Variants in BLTP1 observed in about 807,000 individuals in gnomAD.
The protein encoded by BLTP1 is bridge-like lipid transfer protein family member 1.
chr4:122,220,946 C>A, the BLTP1 span: 1 of 253,366 alleles, frequency 3.9e-6, no homozygotes, highest in Non-Finnish European at 6.2e-6. Context: ...TAAAAGAGAA[C>A]CAATGATATT....
At chr4:122,187,088 G>T in the BLTP1 span, 1 of 983,826 alleles carries the variant, frequency 1.0e-6, no homozygotes, top group Non-Finnish European at 1.2e-6. Flanking sequence ...AACTTTGGCT[G>T]TCTTATAAAA....
At chr4:122,280,719 TATTTCCCACATCCTATAAGTGGGA>T in the BLTP1 span, among the ~76,000 whole-genome samples, 1 of 152,000 alleles carries the variant, frequency 6.6e-6, no homozygotes. Context: ...TCTTACGTTT[TATTTCCCACATCCTATAAGTGGGA>T]AAACATTAGT....
At chr4:122,313,856 T>G in the BLTP1 span, 1 of 174,412 alleles carries the variant, frequency 5.7e-6, no homozygotes, top group Non-Finnish European at 1.1e-5. Flanking sequence ...ACACCTACTG[T>G]GTGTTTATAT....
chr4:122,293,238 G>A, the BLTP1 span: 2 of 913,254 alleles, frequency 2.2e-6, no homozygotes, highest in Non-Finnish European at 2.6e-6. Flanking sequence ...TGACACAAAA[G>A]TAGGACGGTA....
chr4:122,304,042 G>T, the BLTP1 span, among the ~76,000 whole-genome samples: 1 of 152,110 alleles, frequency 6.6e-6, no homozygotes, highest in Non-Finnish European at 1.5e-5. Context: ...GTCAATCAGT[G>T]ACACAAACCT....
At chr4:122,187,623 T>C in the BLTP1 span, 1 of 1,108,148 alleles carries the variant, frequency 9.0e-7, no homozygotes, top group East Asian at 2.6e-5. Flanking sequence ...TGGAGTTTTT[T>C]TTAGTTCCCA....
the BLTP1 span, chr4:122,240,000 C>A: frequency 6.2e-7 from 1 of 1,614,102 alleles, no homozygotes; most frequent in Non-Finnish European, 8.5e-7. Context: ...TGTAGAAGGG[C>A]CACTTACTGG....
chr4:122,347,124 C>T, the BLTP1 span: 3,624 of 984,126 alleles, frequency 3.7e-3, 101 homozygotes, highest in African/African-American at 0.058. Flanking sequence ...TCATGGTTAG[C>T]GAAGCATGGG....
At chr4:122,171,994 A>G in the BLTP1 span, 1 of 880,786 alleles carries the variant, frequency 1.1e-6, no homozygotes. Flanking sequence ...TGACACAGTG[A>G]TTTATAGTAA....
the BLTP1 span, chr4:122,325,035 G>C: frequency 5.5e-6 from 1 of 182,112 alleles, no homozygotes; most frequent in Non-Finnish European, 1.0e-5. Context: ...ATATGATTTA[G>C]TTTTAGAAAA....
chr4:122,305,757 G>A, the BLTP1 span: 2 of 1,358,518 alleles, frequency 1.5e-6, no homozygotes, highest in Non-Finnish European at 1.9e-6. Context: ...TACATTAACA[G>A]CTGAATTTGA....
At chr4:122,187,066 A>C in the BLTP1 span, 1 of 984,886 alleles carries the variant, frequency 1.0e-6, no homozygotes, top group East Asian at 1.1e-4. Flanking sequence ...TTAATCATTT[A>C]TGTTTAATAA....
At chr4:122,223,774 A>G in the BLTP1 span, among the ~76,000 whole-genome samples, 1 of 152,162 alleles carries the variant, frequency 6.6e-6, no homozygotes, top group East Asian at 1.9e-4. Context: ...AGCACTGAAG[A>G]TGAAAAAAAG....
the BLTP1 span, chr4:122,264,038 A>T: frequency 3.6e-6 from 3 of 823,730 alleles, no homozygotes; most frequent in Non-Finnish European, 2.9e-6. Context: ...ATAGATAAGG[A>T]TGACATGTGT....
the BLTP1 span, among the ~76,000 whole-genome samples, chr4:122,317,800 G>C: frequency 6.6e-6 from 1 of 151,990 alleles, no homozygotes; most frequent in African/African-American, 2.4e-5. Flanking sequence ...AAAATGACTT[G>C]AAGCAAAATA....
the BLTP1 span, among the ~76,000 whole-genome samples, chr4:122,290,187 T>C: frequency 6.6e-6 from 1 of 152,176 alleles, no homozygotes; most frequent in Admixed American, 6.5e-5. Flanking sequence ...AATGATCATA[T>C]TGAGGAAGCC....
the BLTP1 span, chr4:122,167,930 A>T: frequency 3.1e-6 from 3 of 975,010 alleles, no homozygotes; most frequent in Non-Finnish European, 3.7e-6. Flanking sequence ...ATAGATTACC[A>T]TAAGTCTCCA....
At chr4:122,156,331 G>A in the BLTP1 span, among the ~76,000 whole-genome samples, 1 of 152,116 alleles carries the variant, frequency 6.6e-6, no homozygotes, top group East Asian at 1.9e-4. Flanking sequence ...TGAGGTTGGA[G>A]AACAACAGCA....
the BLTP1 span, chr4:122,219,448 A>G: frequency 6.2e-7 from 1 of 1,614,140 alleles, no homozygotes. Context: ...TGCTGTTGGA[A>G]TGGAAAATGA....
Sources: gnomAD v4.1 joint callset for allele counts (sites outside exome capture counted in the v4.1 genomes callset) on GRCh38, gnomAD v4.1.1 for gene constraint, MANE v1.5 for transcripts, NCBI Gene and HGNC (gene_info 2026-07-23, HGNC 2026-07-21) for gene names.